Variants in EDAR observed in about 807,000 individuals in gnomAD.
EDAR encodes the protein tumor necrosis factor receptor superfamily member EDAR.
EDAR carries 38 observed loss-of-function variants against 51.3 expected under a neutral mutation model. The observed-to-expected ratio is 0.74, with a 90% CI of 0.57 to 0.97. The LOEUF (loss-of-function observed/expected upper bound fraction) is 0.97. Ranked by LOEUF, EDAR falls within the 50% of genes least tolerant of loss-of-function variation. The pLI is 0.00. For synonymous variants in EDAR, 227 were observed against 242.1 expected (o/e 0.94, Z 0.58); for missense variants, 528 against 595.0 (o/e 0.89, Z 1.17).
intron 1 of EDAR, among the ~76,000 whole-genome samples, chr2:108,964,072 A>G (rs1698104174): frequency 6.6e-6 from 1 of 152,214 alleles, no homozygotes; most frequent in South Asian, 2.1e-4. Flanking sequence ...TGAGTTTCTC[A>G]TGTTAATGAA....
At chr2:108,970,144 C>A (rs747264527) in intron 1 of EDAR, among the ~76,000 whole-genome samples, 2 of 152,126 alleles carry the variant, frequency 1.3e-5, no homozygotes, top group African/African-American at 4.8e-5. Flanking sequence ...GAGCTTTGCA[C>A]TGAGAGGGGA....
At chr2:108,983,642 G>C (rs996607239) in intron 1 of EDAR, among the ~76,000 whole-genome samples, 1 of 152,162 alleles carries the variant, frequency 6.6e-6, no homozygotes, top group African/African-American at 2.4e-5. Flanking sequence ...CCTCCAGACT[G>C]ACTTCCCTCC....
At chr2:108,915,885 G>A (rs1456965758) in intron 5 of EDAR, among the ~76,000 whole-genome samples, 1 of 151,094 alleles carries the variant, frequency 6.6e-6, no homozygotes, top group Non-Finnish European at 1.5e-5. Flanking sequence ...CAACAAGAGC[G>A]AAACTCCATC....
At chr2:108,913,516 A>G (rs928127015) in intron 5 of EDAR, among the ~76,000 whole-genome samples, 3 of 152,158 alleles carry the variant, frequency 2.0e-5, no homozygotes, top group African/African-American at 7.2e-5. Context: ...TCACTATTAA[A>G]AATCTGGAAA....
intron 1 of EDAR, among the ~76,000 whole-genome samples, chr2:108,937,995 C>A (rs1049052762): frequency 1.3e-5 from 2 of 152,154 alleles, no homozygotes; most frequent in Admixed American, 6.5e-5. Context: ...TTCTTGCACA[C>A]GTAGAATAAT....
At chr2:108,934,399 C>A (rs1262840350) in intron 1 of EDAR, among the ~76,000 whole-genome samples, 1 of 152,134 alleles carries the variant, frequency 6.6e-6, no homozygotes, top group Non-Finnish European at 1.5e-5. Flanking sequence ...TCCATCAGTG[C>A]CTGGCGATGC....
chr2:108,924,117 C>G (rs1208407412), intron 4 of EDAR, among the ~76,000 whole-genome samples: 1 of 152,250 alleles, frequency 6.6e-6, no homozygotes, highest in Non-Finnish European at 1.5e-5. Context: ...GCTGGGGCTG[C>G]ACACACAGTG....
intron 1 of EDAR, among the ~76,000 whole-genome samples, chr2:108,936,351 C>T (rs1037108928): frequency 1.1e-4 from 16 of 152,234 alleles, no homozygotes; most frequent in African/African-American, 3.6e-4. Context: ...CTGGGTTGAC[C>T]GCATCACGGA....
chr2:108,930,197 CACCGCAGTTTGA>C lies in EDAR; in HGVS notation c.85_96del (p.Ser29_Gly32del). 6.2e-7 allele frequency: 1 copy of C among 1,614,140 alleles called. No individual in the cohort carries two copies. The highest frequency in any genetic ancestry group is 8.5e-7 in the Non-Finnish European group (1 of 1,180,044). On this transcript the variant is annotated inframe_deletion, in exon 3 of 12. Coordinates refer to ENST00000258443, the MANE Select transcript of EDAR (RefSeq NM_022336.4). ...GTAGTCTGGTTGTAGTACTCGTTCT[CACCGCAGTTTGA>C]GTATTCCGCTCGGGCTGAGCACATC... is the stretch of plus-strand genomic sequence containing the variant.
At chr2:108,969,867 G>A (rs563073581) in intron 1 of EDAR, among the ~76,000 whole-genome samples, 1 of 152,330 alleles carries the variant, frequency 6.6e-6, no homozygotes, top group East Asian at 1.9e-4. Flanking sequence ...GATCCAAAAA[G>A]GGGTGAAAGA....
intron 1 of EDAR, among the ~76,000 whole-genome samples, chr2:108,949,819 G>A (rs1333180552): frequency 6.6e-6 from 1 of 152,180 alleles, no homozygotes; most frequent in Non-Finnish European, 1.5e-5. Flanking sequence ...ATTTATCATG[G>A]GTTAGGTCTT....
intron 4 of EDAR, among the ~76,000 whole-genome samples, chr2:108,926,017 C>T (rs1488483694): frequency 6.6e-6 from 1 of 152,090 alleles, no homozygotes; most frequent in African/African-American, 2.4e-5. Flanking sequence ...GAGAAGCCAC[C>T]GTTTTCTAGC....
At chr2:108,914,504 T>A (rs1696991398) in intron 5 of EDAR, among the ~76,000 whole-genome samples, 1 of 152,146 alleles carries the variant, frequency 6.6e-6, no homozygotes, top group African/African-American at 2.4e-5. Context: ...AAAGTGTGAC[T>A]TAGCGGGGAT....
chr2:108,941,642 G>A (rs959171785), intron 1 of EDAR, among the ~76,000 whole-genome samples: 2 of 152,138 alleles, frequency 1.3e-5, no homozygotes, highest in Non-Finnish European at 2.9e-5. Flanking sequence ...AGGCACCCAG[G>A]GACTAGTTCT....
At chr2:108,960,043 A>T (rs1223835337) in intron 1 of EDAR, among the ~76,000 whole-genome samples, 2 of 152,148 alleles carry the variant, frequency 1.3e-5, no homozygotes, top group Non-Finnish European at 2.9e-5. Flanking sequence ...TGGCTCTGAG[A>T]AAGCAGTGCC....
At chr2:108,924,767 G>A (rs1373152241) in intron 4 of EDAR, among the ~76,000 whole-genome samples, 1 of 152,206 alleles carries the variant, frequency 6.6e-6, no homozygotes, top group Non-Finnish European at 1.5e-5. Context: ...TCCCAGAGAA[G>A]CCACGACAGC....
At chr2:108,955,449 C>A (rs984397472) in intron 1 of EDAR, among the ~76,000 whole-genome samples, 50 of 152,094 alleles carry the variant, frequency 3.3e-4, no homozygotes, top group Non-Finnish European at 1.2e-4. Flanking sequence ...ACATATATAT[C>A]TTCTAAAATG....
intron 1 of EDAR, among the ~76,000 whole-genome samples, chr2:108,957,878 T>C (rs578208729): frequency 2.8e-4 from 43 of 152,354 alleles, no homozygotes; most frequent in African/African-American, 9.4e-4. Flanking sequence ...TTTTTGATCT[T>C]TATTAATTAT....
rs1298426618 is a variant in EDAR, at chr2:108,987,286, C to T, written c.-19+1674G>A. On this transcript the variant is annotated intron_variant, in intron 1 of 11. Coordinates refer to ENST00000258443, the MANE Select transcript of EDAR (RefSeq NM_022336.4). ...AGGTAACCCAGCTTCCATCTGTGGGCCTATGAGACCTGAGGAACTTTGACT... is the reference window on the plus strand; with the variant it reads ...AGGTAACCCAGCTTCCATCTGTGGGTCTATGAGACCTGAGGAACTTTGACT... Among the ~76,000 whole-genome samples the T allele has an allele frequency of 2.6e-5, 4 of 152,222 alleles. No individual in the cohort carries two copies. The East Asian group carries it at 7.7e-4, about 29-fold the overall frequency.
Sources: gnomAD v4.1 joint callset for allele counts (sites outside exome capture counted in the v4.1 genomes callset) on GRCh38, gnomAD v4.1.1 for gene constraint, MANE v1.5 for transcripts, NCBI Gene and HGNC (gene_info 2026-07-23, HGNC 2026-07-21) for gene names.